The following MOCOS variants were observed in gnomAD, a reference collection of about 807,000 sequenced individuals.
MOCOS encodes the protein human molybdenum cofactor sulfurase.
Under a neutral mutation model 83.6 loss-of-function variants are expected in MOCOS, and 86 were observed. The observed-to-expected ratio is 1.03, with a 90% CI of 0.86 to 1.23. MOCOS has a LOEUF of 1.23. MOCOS is among the 50% of genes most tolerant of loss of function. The probability of loss-of-function intolerance (pLI) is 0.00; values close to 1 mark genes in which losing one functional copy is unlikely to be tolerated. For synonymous variants in MOCOS, 445 were observed against 434.7 expected (o/e 1.02, Z -0.29); for missense variants, 1,120 against 1,126.9 (o/e 0.99, Z 0.09).
rs373748036 is a variant in MOCOS, at chr18:36,199,845, C to T, written c.462C>T (p.Ser154=). The T allele has an allele frequency of 5.9e-5, 96 of 1,614,038 alleles. No homozygotes were observed. The African/African-American group carries it at 6.1e-4, about 10-fold the overall frequency. The change falls in exon 4 of 15, where the codon TCC becomes TCT. Residue 154 remains serine (S), a synonymous_variant. Transcript: ENST00000261326. The part of the protein sequence containing the change: ...RFCYLTDSHT[S]VVGMRNVTMA... ...GTTACCTCACCGACAGCCACACCTC[C>T]GTAGTGGGTATGCGGAACGTGACCA...
Position 36,199,848 on chromosome 18 carries a change from A to G in MOCOS, c.465A>G (p.Val155=), listed in dbSNP as rs1188339586. The G allele has an allele frequency of 4.3e-6, 7 of 1,614,112 alleles. No individual in the cohort carries two copies. The South Asian group carries it at 4.4e-5, about 10-fold the overall frequency. ...ACCTCACCGACAGCCACACCTCCGT[A>G]GTGGGTATGCGGAACGTGACCATGG... ...FCYLTDSHTS[V]VGMRNVTMAI... Residue 155 remains valine (V), a synonymous_variant, in exon 4 of 15, where the codon GTA becomes GTG. Transcript: ENST00000261326.
intron 9 of MOCOS, among the ~76,000 whole-genome samples, chr18:36,226,241 G>A (rs927312787): frequency 2.6e-4 from 40 of 151,962 alleles, no homozygotes; most frequent in Non-Finnish European, 5.9e-5. Flanking sequence ...ATATACTCCT[G>A]GTGGATTGAT....
intron 9 of MOCOS, among the ~76,000 whole-genome samples, chr18:36,226,487 T>TA (rs1292826866): frequency 5.3e-5 from 8 of 151,688 alleles, no homozygotes; most frequent in Non-Finnish European, 8.8e-5. Flanking sequence ...TCTTTTTTTT[T>TA]ATTCAGCCAC....
chr18:36,266,626 C>A, intron 13 of MOCOS, 123 bp from the exon 14 acceptor site: 1 of 777,668 alleles, frequency 1.3e-6, no homozygotes, highest in Admixed American at 2.0e-5. Context: ...AGACGGTGAA[C>A]AGGTGCCACG....
In MOCOS at chr18:36,268,702, A is replaced by ACATT. The variant is rs1555657026; in HGVS notation, c.*17_*18insCATT. The ACATT allele has an allele frequency of 1.2e-6, 2 of 1,601,626 alleles. No homozygotes were observed. Among genetic ancestry groups the ACATT allele is most frequent in the South Asian group, 1.1e-5 (1 of 90,870 alleles). On this transcript the variant is annotated 3_prime_UTR_variant, in exon 15 of 15. Coordinates refer to ENST00000261326, the MANE Select transcript of MOCOS (RefSeq NM_017947.4). ...ACCTCCTAAAAAAAATTTTTAGCAT[A>ACATT]AAGTTTCTCTTTTACAGTGATCTCT...
intron 6 of MOCOS, among the ~76,000 whole-genome samples, chr18:36,212,330 A>G (rs2091458395): frequency 6.6e-6 from 1 of 152,116 alleles, no homozygotes; most frequent in South Asian, 2.1e-4. Context: ...AATGGTGAAT[A>G]TGGGGGAGTG....
chr18:36,206,676 T>C (rs2091436196), intron 6 of MOCOS, among the ~76,000 whole-genome samples: 1 of 152,178 alleles, frequency 6.6e-6, no homozygotes, highest in Non-Finnish European at 1.5e-5. Context: ...GGCCGTGGTT[T>C]TCTTCTTTGT....
intron 6 of MOCOS, among the ~76,000 whole-genome samples, chr18:36,206,091 T>A (rs1283979421): frequency 6.6e-6 from 1 of 151,910 alleles, no homozygotes; most frequent in African/African-American, 2.4e-5. Context: ...CATGGTTCTG[T>A]TGACTGGAAG....
In MOCOS at chr18:36,205,153, C is replaced by A; in HGVS notation, c.1095C>A (p.Tyr365Ter). 1 of 1,613,464 alleles carries A rather than the reference C, an allele frequency of 6.2e-7. No homozygotes were observed. The highest frequency in any genetic ancestry group is 8.5e-7 in the Non-Finnish European group (1 of 1,179,498). Residue 365 changes from tyrosine (Y) to a stop codon, truncating the protein, a stop_gained, in exon 6 of 15, where the codon TAC becomes TAA. Transcript: ENST00000261326. LOFTEE classifies it high-confidence loss of function. Reference sequence around the variant, plus strand: ...ACGTGGCCCTGTCCTCTCTCCAGTACCCCAATGGAGCCCCTGTGGTGCGGA... The same window carrying A: ...ACGTGGCCCTGTCCTCTCTCCAGTAACCCAATGGAGCCCCTGTGGTGCGGA... The part of the protein sequence containing the change: ...YTYVALSSLQ[Y>*]PNGAPVVRIY...
At chr18:36,208,544 T>G (rs1041570842) in intron 6 of MOCOS, among the ~76,000 whole-genome samples, 4 of 152,158 alleles carry the variant, frequency 2.6e-5, no homozygotes, top group Admixed American at 1.3e-4. Flanking sequence ...ATTTTATTAT[T>G]TTTGTGGCTA....
intron 1 of MOCOS, among the ~76,000 whole-genome samples, chr18:36,191,033 A>AAAAAAG (rs1208589003): frequency 2.5e-4 from 31 of 124,402 alleles, no homozygotes; most frequent in African/African-American, 1.1e-3. Flanking sequence ...AAAAAAAAAG[A>AAAAAAG]AAAAGAAAAA....
At chr18:36,236,766 A>G (rs1345241674) in intron 9 of MOCOS, among the ~76,000 whole-genome samples, 1 of 141,724 alleles carries the variant, frequency 7.1e-6, no homozygotes, top group South Asian at 2.2e-4. Context: ...ACCCATGAGC[A>G]TGGAATGTTC....
At chr18:36,245,521 TG>T (rs1204822425) in intron 9 of MOCOS, among the ~76,000 whole-genome samples, 1 of 152,176 alleles carries the variant, frequency 6.6e-6, no homozygotes, top group Non-Finnish European at 1.5e-5. Flanking sequence ...GTTTTCCTTT[TG>T]GGTTACTGAT....
At chr18:36,193,414 TATA>T (rs1375434305) in intron 1 of MOCOS, among the ~76,000 whole-genome samples, 1 of 122,828 alleles carries the variant, frequency 8.1e-6, no homozygotes, top group East Asian at 2.8e-4. Context: ...ACAAATGAAA[TATA>T]ATTTTAATTT....
intron 9 of MOCOS, among the ~76,000 whole-genome samples, chr18:36,243,669 G>C (rs1042187883): frequency 5.3e-5 from 8 of 152,182 alleles, no homozygotes; most frequent in Middle Eastern, 6.8e-3. Context: ...TCTGCCTTTT[G>C]AAATAGTTTC....
Position 36,220,113 on chromosome 18 carries a change from T to C in MOCOS, c.1856T>C (p.Val619Ala). ...GLLYDRSWMV[V>A]NHNGVCLSQK... ...CTATATGACCGGAGCTGGATGGTTG[T>C]GAATCACAATGGTGTTTGCCTGAGT... The change falls in exon 9 of 15, where the codon GTG (valine) becomes GCG (alanine). Residue 619 changes from valine to alanine, a missense_variant. By Grantham distance (64) the Val-to-Ala change is moderately conservative. Coordinates refer to ENST00000261326, the MANE Select transcript of MOCOS (RefSeq NM_017947.4). 1.2e-6 allele frequency: 2 copies of C among 1,614,028 alleles called. No individual in the cohort carries two copies. Among genetic ancestry groups the C allele is most frequent in the Non-Finnish European group, 1.7e-6 (2 of 1,180,024 alleles).
chr18:36,205,056 G>A, intron 5 of MOCOS, 21 bp from the exon 6 acceptor site: 2 of 1,388,428 alleles, frequency 1.4e-6, no homozygotes, highest in Non-Finnish European at 2.0e-6. Context: ...TGATTCTCTT[G>A]TGTTTCATGA....
At chr18:36,230,178 T>C (rs2091532738) in intron 9 of MOCOS, among the ~76,000 whole-genome samples, 1 of 151,734 alleles carries the variant, frequency 6.6e-6, no homozygotes, top group African/African-American at 2.4e-5. Flanking sequence ...TGCCCTGAGG[T>C]TTCAAGCGAT....
chr18:36,223,489 A>G (rs2091504412), intron 9 of MOCOS, among the ~76,000 whole-genome samples: 1 of 152,116 alleles, frequency 6.6e-6, no homozygotes, highest in Non-Finnish European at 1.5e-5. Context: ...TTTGATTACT[A>G]TAGCTATAGT....
Sources: allele counts gnomAD v4.1 joint callset (sites outside exome capture counted in the v4.1 genomes callset), GRCh38; gene constraint gnomAD v4.1.1; transcripts MANE v1.5; gene names NCBI Gene and HGNC (gene_info 2026-07-23, HGNC 2026-07-21).